Variants in CELF2 observed in about 807,000 individuals in gnomAD.
The protein encoded by CELF2 is CUGBP Elav-like family member 2.
In CELF2, 8 loss-of-function variants were observed where a neutral mutation model predicts 62.6. That is an observed-to-expected ratio of 0.13 (90% CI 0.07 to 0.23). The LOEUF (loss-of-function observed/expected upper bound fraction) is 0.23. CELF2 is among the 10% of genes least tolerant of loss of function. The pLI, the probability that CELF2 is intolerant of heterozygous loss-of-function variation, is 1.00. For synonymous variants in CELF2, 258 were observed against 250.0 expected, an observed-to-expected ratio of 1.03 and a Z score of -0.30; for missense variants, 333 against 671.0, an observed-to-expected ratio of 0.50 and a Z score of 5.56.
the CELF2 span, among the ~76,000 whole-genome samples, chr10:10,498,622 G>A: frequency 6.6e-6 from 1 of 152,192 alleles, no homozygotes; most frequent in East Asian, 1.9e-4. Flanking sequence ...TTATCTTGCA[G>A]GTACAGTCAA....
At chr10:10,527,835 G>T in the CELF2 span, among the ~76,000 whole-genome samples, 2 of 152,234 alleles carry the variant, frequency 1.3e-5, no homozygotes, top group Admixed American at 6.5e-5. Flanking sequence ...GGACTGTCTA[G>T]ATGCAATCCT....
chr10:10,592,818 TC>T, the CELF2 span, among the ~76,000 whole-genome samples: 1 of 152,088 alleles, frequency 6.6e-6, no homozygotes, highest in Admixed American at 6.6e-5. Flanking sequence ...CGTTGCGGTG[TC>T]CTCAAAACCC....
At chr10:11,225,592 C>T (rs1589373998) in intron 3 of CELF2, among the ~76,000 whole-genome samples, 1 of 152,216 alleles carries the variant, frequency 6.6e-6, no homozygotes, top group Non-Finnish European at 1.5e-5. Context: ...ATCTGCTTTC[C>T]TCTCTGGTTG....
At chr10:10,554,555 T>C in the CELF2 span, among the ~76,000 whole-genome samples, 1 of 152,202 alleles carries the variant, frequency 6.6e-6, no homozygotes, top group Non-Finnish European at 1.5e-5. Flanking sequence ...GCAGCAGCTC[T>C]GTCCTCTGTG....
chr10:10,880,185 G>C (rs760470121), intron 1 of CELF2, among the ~76,000 whole-genome samples: 1 of 152,160 alleles, frequency 6.6e-6, no homozygotes, highest in Non-Finnish European at 1.5e-5. Flanking sequence ...CTAGTTTCTT[G>C]ACAAAAGATT....
chr10:10,465,421 C>T, the CELF2 span, among the ~76,000 whole-genome samples: 2 of 152,104 alleles, frequency 1.3e-5, no homozygotes, highest in Non-Finnish European at 2.9e-5. Flanking sequence ...AACTTTATTT[C>T]TGAGTGTCTG....
At chr10:10,490,786 A>G in the CELF2 span, among the ~76,000 whole-genome samples, 1 of 152,152 alleles carries the variant, frequency 6.6e-6, no homozygotes, top group Non-Finnish European at 1.5e-5. Flanking sequence ...CCTTCTTCCC[A>G]CATGAATACC....
intron 2 of CELF2, chr10:10,946,621 T>C (rs1432720572): frequency 1.3e-5 from 2 of 152,420 alleles, no homozygotes; most frequent in Admixed American, 6.6e-5. Flanking sequence ...AAAGTTTTAG[T>C]GTTTTTTTTT....
chr10:11,040,251 A>G (rs757796208), intron 1 of CELF2, among the ~76,000 whole-genome samples: 3 of 152,186 alleles, frequency 2.0e-5, no homozygotes, highest in Non-Finnish European at 4.4e-5. Context: ...TATGGAGATA[A>G]TTCAAAACAA....
At chr10:10,675,759 G>T in the CELF2 span, among the ~76,000 whole-genome samples, 1 of 152,030 alleles carries the variant, frequency 6.6e-6, no homozygotes, top group Admixed American at 6.6e-5. Context: ...CCCATTAAAG[G>T]CATTCTTCCA....
chr10:10,964,966 A>G (rs1002236114), intron 2 of CELF2, among the ~76,000 whole-genome samples: 2 of 152,104 alleles, frequency 1.3e-5, no homozygotes, highest in African/African-American at 4.8e-5. Flanking sequence ...CGGTGGTAAT[A>G]CTAGCATGGC....
At chr10:10,835,127 C>A (rs2058173106) in intron 1 of CELF2, among the ~76,000 whole-genome samples, 1 of 152,112 alleles carries the variant, frequency 6.6e-6, no homozygotes, top group South Asian at 2.1e-4. Flanking sequence ...ACTGCCAGTA[C>A]CCCTTGTGGC....
chr10:10,608,697 C>T, the CELF2 span, among the ~76,000 whole-genome samples: 12 of 152,084 alleles, frequency 7.9e-5, no homozygotes, highest in African/African-American at 2.9e-4. Context: ...TCCAGCTCTC[C>T]CAGGCTCTCC....
chr10:11,240,198 C>T (rs1306264079), intron 3 of CELF2, among the ~76,000 whole-genome samples: 3 of 152,158 alleles, frequency 2.0e-5, no homozygotes, highest in Non-Finnish European at 4.4e-5. Flanking sequence ...ACAGTTTTTT[C>T]CCGAATTTCC....
the CELF2 span, among the ~76,000 whole-genome samples, chr10:10,619,177 G>A: frequency 2.6e-5 from 4 of 152,172 alleles, no homozygotes; most frequent in Admixed American, 1.3e-4. Context: ...ATTTATGTCT[G>A]CAGCTTGATT....
intron 8 of CELF2, among the ~76,000 whole-genome samples, chr10:11,277,456 G>C (rs933240468): frequency 6.6e-6 from 1 of 152,150 alleles, no homozygotes; most frequent in African/African-American, 2.4e-5. Flanking sequence ...ATACTCTGTG[G>C]ATACTCTTCC....
intron 2 of CELF2, among the ~76,000 whole-genome samples, chr10:10,962,285 T>C (rs1180394817): frequency 6.6e-6 from 1 of 152,216 alleles, no homozygotes; most frequent in African/African-American, 2.4e-5. Flanking sequence ...AATGGGATGC[T>C]GGGTACAGCA....
At chr10:10,953,819 A>T (rs1459256110) in intron 2 of CELF2, among the ~76,000 whole-genome samples, 2 of 51,416 alleles carry the variant, frequency 3.9e-5, no homozygotes, top group African/African-American at 4.4e-5. Context: ...CAAGCAAAGT[A>T]AAAAAAAAAA....
At chr10:10,562,735 T>C in the CELF2 span, among the ~76,000 whole-genome samples, 1 of 135,308 alleles carries the variant, frequency 7.4e-6, no homozygotes, top group East Asian at 2.4e-4. Flanking sequence ...CCCTTCCTCT[T>C]CCCATTCCTT....
Sources: allele counts gnomAD v4.1 joint callset (sites outside exome capture counted in the v4.1 genomes callset), GRCh38; gene constraint gnomAD v4.1.1; transcripts MANE v1.5; gene names NCBI Gene and HGNC (gene_info 2026-07-23, HGNC 2026-07-21).